The following CDC25B variants were observed in gnomAD, a reference collection of about 807,000 sequenced individuals.
The protein encoded by CDC25B is M-phase inducer phosphatase 2.
A neutral mutation model predicts 69.8 loss-of-function variants in CDC25B; 33 were observed. The ratio of observed to expected loss-of-function variants is 0.47; its 90% CI spans 0.36 to 0.63. The LOEUF is 0.63. CDC25B is among the 30% of genes least tolerant of loss of function. The probability of loss-of-function intolerance (pLI) is 0.00; values close to 1 mark genes in which losing one functional copy is unlikely to be tolerated. For missense variants in CDC25B, 727 were observed against 809.1 expected, an observed-to-expected ratio of 0.90 and a Z score of 1.23; for synonymous variants, 341 against 314.6, an observed-to-expected ratio of 1.08 and a Z score of -0.89.
At position 3,796,418 on chromosome 20, in the gene CDC25B, T is replaced by TCCC. The variant is rs1217802585; in HGVS notation, c.-104_-102dup. The TCCC allele has an allele frequency of 6.3e-3, 955 of 151,910 alleles. 9 individuals are homozygous for TCCC. Among genetic ancestry groups the TCCC allele is most frequent in the East Asian group, 0.055 (70 of 1,276 alleles). 9.4% of individuals were successfully genotyped at this position (151,910 alleles called of 1,614,324 possible). ...CTGTGGCTCTTCCTCCCTCCCTCCT[T>TCCC]CCCCCCCCCCCCACCCCTCGCCCGC... On this transcript the variant is annotated 5_prime_UTR_variant, in exon 1 of 16. Transcript: ENST00000245960.
At chr20:3,795,277 C>T (rs1184788566), upstream of CDC25B, among the ~76,000 whole-genome samples, 1 of 152,014 alleles carries the variant, frequency 6.6e-6, no homozygotes, top group African/African-American at 2.4e-5. Flanking sequence ...AGAAGAATCG[C>T]TGGAACCCGG....
rs937314731 is a variant in CDC25B, at chr20:3,805,453, T to C, written c.*492T>C. ...TGTAGGAACCGTGGTATGTCTGCCA[T>C]GTTGCCCCTTTCTCTTTTCCCCTTT... On this transcript the variant is annotated 3_prime_UTR_variant, in exon 16 of 16. Transcript: ENST00000245960. The C allele has an allele frequency of 4.6e-5, 12 of 262,472 alleles. No individual in the cohort carries two copies. Among genetic ancestry groups the C allele is most frequent in the African/African-American group, 2.4e-4 (11 of 45,348 alleles). The allele number at this position is 262,472 out of a possible 1,614,324, so 16.3% of individuals were successfully genotyped here.
At chr20:3,796,015 G>GC (rs2089023354), upstream of CDC25B, 1 of 990,538 alleles carries the variant, frequency 1.0e-6, no homozygotes, top group Admixed American at 6.1e-5. Context: ...TCCTGCGGAG[G>GC]CCACCCTAGG....
chr20:3,787,300 GGTAA>G (rs1479002529), intron 1 of CDC25B, among the ~76,000 whole-genome samples: 43 of 152,126 alleles, frequency 2.8e-4, no homozygotes, highest in African/African-American at 9.7e-4. Context: ...TTGCCATATC[GGTAA>G]GTATCATTGC....
intron 2 of CDC25B, 127 bp downstream of exon 2, chr20:3,797,876 T>C: frequency 8.7e-7 from 1 of 1,146,538 alleles, no homozygotes; most frequent in Admixed American, 2.0e-5. Flanking sequence ...CCCAGGAGCC[T>C]CTCCCCCACC....
chr20:3,801,567 C>G (rs2089284480), intron 8 of CDC25B, 155 bp from the exon 9 acceptor site: 1 of 1,048,284 alleles, frequency 9.5e-7, no homozygotes, highest in Admixed American at 2.6e-5. Flanking sequence ...TGGCTGGTGC[C>G]ACAGTGGAGG....
chr20:3,787,066 C>T, exon 1 of CDC25B: 2 of 470,916 alleles, frequency 4.2e-6, no homozygotes, highest in South Asian at 2.6e-5. Flanking sequence ...AAATAACGCA[C>T]TTTTTTTTTT....
intron 14 of CDC25B, 89 bp from the exon 15 acceptor site, chr20:3,804,480 C>T: frequency 1.2e-6 from 1 of 823,896 alleles, no homozygotes; most frequent in South Asian, 1.5e-5. Context: ...CCCCAAGGCC[C>T]TCAAAGGAGG....
At chr20:3,798,988 G>A (rs1377154625) in intron 3 of CDC25B, among the ~76,000 whole-genome samples, 1 of 152,158 alleles carries the variant, frequency 6.6e-6, no homozygotes, top group African/African-American at 2.4e-5. Context: ...TTCTGCAAGG[G>A]AATGGAGAGA....
chr20:3,805,130 C>T lies in CDC25B; in HGVS notation c.*169C>T. On this transcript the variant is annotated 3_prime_UTR_variant, in exon 16 of 16. Coordinates refer to ENST00000245960, the MANE Select transcript of CDC25B (RefSeq NM_021873.4). The stretch of plus-strand genomic sequence containing the variant: ...CAGCCCAGATTCCCCTGTGTCATCC[C>T]ATCATTTTCCATATCCTGGTGCCCC... 1 of 665,914 alleles carries T rather than the reference C, an allele frequency of 1.5e-6. No individual in the cohort carries two copies. The highest frequency in any genetic ancestry group is 2.5e-6 in the Non-Finnish European group (1 of 398,804). 41.3% of individuals were successfully genotyped at this position (665,914 alleles called of 1,614,324 possible).
chr20:3,802,035 C>T lies in CDC25B; in HGVS notation c.1033C>T (p.Pro345Ser). 1 of 1,582,708 alleles carries T rather than the reference C, an allele frequency of 6.3e-7. No homozygotes were observed. The highest frequency in any genetic ancestry group is 8.6e-7 in the Non-Finnish European group (1 of 1,164,820). The change falls in exon 10 of 16, where the codon CCC becomes TCC. Residue 345 changes from proline (P) to serine (S), a missense_variant. By Grantham distance (74) the Pro-to-Ser change is moderately conservative (BLOSUM62 -1). Transcript: ENST00000245960. ...RLERPQDRDT[P>S]VQNKRRRSVT... Reference sequence around the variant, plus strand: ...GGAGCGGCCCCAGGACAGGGACACGCCCGTGCAGAATAAGCGGAGGCGGAG... The same window carrying T: ...GGAGCGGCCCCAGGACAGGGACACGTCCGTGCAGAATAAGCGGAGGCGGAG...
intron 1 of CDC25B, among the ~76,000 whole-genome samples, chr20:3,787,953 T>C (rs1289051651): frequency 1.3e-5 from 2 of 151,972 alleles, no homozygotes; most frequent in Admixed American, 6.6e-5. Context: ...CTGGCCAATA[T>C]AGTGAAACTC....
upstream of CDC25B, chr20:3,796,065 T>C (rs938819844): frequency 1.4e-5 from 14 of 1,005,214 alleles, no homozygotes; most frequent in Non-Finnish European, 1.7e-5. Context: ...CTCCAAACCA[T>C]GTCGCGAGAG....
chr20:3,802,183 G>C, intron 10 of CDC25B, 83 bp downstream of exon 10: 2 of 1,544,168 alleles, frequency 1.3e-6, no homozygotes, highest in South Asian at 2.3e-5. Context: ...GAGGGCAGGT[G>C]GCAGCCTGGG....
At chr20:3,789,588 C>G (rs574952986) in intron 1 of CDC25B, among the ~76,000 whole-genome samples, 1 of 152,262 alleles carries the variant, frequency 6.6e-6, no homozygotes, top group African/African-American at 2.4e-5. Flanking sequence ...CCAGGCTAGT[C>G]TCAAACTCCT....
chr20:3,788,302 G>A (rs1442704486), intron 1 of CDC25B, among the ~76,000 whole-genome samples: 13 of 152,306 alleles, frequency 8.5e-5, no homozygotes, highest in Admixed American at 2.0e-4. Flanking sequence ...ATGTTTCTTG[G>A]CCATTTGAAT....
chr20:3,797,185 T>C (rs1157012702), intron 1 of CDC25B, among the ~76,000 whole-genome samples: 1 of 152,184 alleles, frequency 6.6e-6, no homozygotes, highest in Non-Finnish European at 1.5e-5. Flanking sequence ...AATTAAACAC[T>C]GATCCTGCTC....
chr20:3,798,649 A>G (rs1438711009), intron 3 of CDC25B, among the ~76,000 whole-genome samples, 186 bp downstream of exon 3: 2 of 152,100 alleles, frequency 1.3e-5, no homozygotes, highest in Admixed American at 1.3e-4. Flanking sequence ...TGTCTCAGAG[A>G]AGGATCTGCT....
chr20:3,803,353 G>A lies in CDC25B; in HGVS notation c.1357-51G>A, dbSNP rs200590307. On this transcript the variant is annotated intron_variant, in intron 13 of 15. Coordinates refer to ENST00000245960, the MANE Select transcript of CDC25B (RefSeq NM_021873.4). This position sits in a 1 kb window ranked among gnomAD's most constrained non-coding sequence, Gnocchi z 4.9. Reference sequence around the variant, plus strand: ...GAAGGACAGCGACTGCACGGGGAGGGCCCTGACTCCTGGACCCGGGGCTGT... The same window carrying A: ...GAAGGACAGCGACTGCACGGGGAGGACCCTGACTCCTGGACCCGGGGCTGT... 3 of 1,612,952 alleles carry A rather than the reference G, an allele frequency of 1.9e-6. No individual in the cohort carries two copies. Among genetic ancestry groups the A allele is most frequent in the East Asian group, 2.2e-5 (1 of 44,854 alleles).
Sources: gnomAD v4.1 joint callset for allele counts (sites outside exome capture counted in the v4.1 genomes callset) on GRCh38, gnomAD v4.1.1 for gene constraint, Gnocchi (gnomAD v3.1) non-coding constraint, MANE v1.5 for transcripts, NCBI Gene and HGNC (gene_info 2026-07-23, HGNC 2026-07-21) for gene names.